The following COL13A1 variants were observed in gnomAD, a reference collection of about 807,000 sequenced individuals.
COL13A1 encodes the protein collagen alpha-1(XIII) chain.
Under a neutral mutation model 130.9 loss-of-function variants are expected in COL13A1, and 89 were observed. That is an observed-to-expected ratio of 0.68 (90% CI 0.57 to 0.81). The LOEUF (loss-of-function observed/expected upper bound fraction) is 0.81. Among genes scored for constraint, COL13A1 ranks in the 30% least tolerant of loss-of-function variants. The pLI, the probability that COL13A1 is intolerant of heterozygous loss-of-function variation, is 0.00. For missense variants in COL13A1, 879 were observed against 934.6 expected, an observed-to-expected ratio of 0.94 and a Z score of 0.78; for synonymous variants, 402 against 341.6, an observed-to-expected ratio of 1.18 and a Z score of -1.95.
intron 1 of COL13A1, among the ~76,000 whole-genome samples, chr10:69,805,156 G>A (rs368218588): frequency 6.6e-6 from 1 of 152,192 alleles, no homozygotes. Flanking sequence ...GTCAAGAGGG[G>A]CCTTAGAGAA....
intron 11 of COL13A1, 23 bp from the exon 12 acceptor site, chr10:69,894,652 C>T: frequency 6.2e-7 from 1 of 1,614,022 alleles, no homozygotes; most frequent in South Asian, 1.1e-5. Context: ...GTTTCTAACT[C>T]TCTCATCTCC....
intron 31 of COL13A1, 143 bp from the exon 32 acceptor site, chr10:69,935,207 G>T (rs2066670474): frequency 1.5e-6 from 1 of 661,058 alleles, no homozygotes; most frequent in Admixed American, 2.9e-5. Context: ...CCTTTTTTGG[G>T]GGATACTGTG....
chr10:69,803,157 C>T (rs1486086671), intron 1 of COL13A1, among the ~76,000 whole-genome samples: 1 of 152,198 alleles, frequency 6.6e-6, no homozygotes, highest in Non-Finnish European at 1.5e-5. Context: ...CCCCTCCACC[C>T]CTTAAGGACC....
At chr10:69,934,271 C>T (rs572883629) in intron 31 of COL13A1, among the ~76,000 whole-genome samples, 3 of 152,186 alleles carry the variant, frequency 2.0e-5, no homozygotes, top group South Asian at 2.1e-4. Flanking sequence ...ATAACCAATA[C>T]CATGATTAGG....
At chr10:69,901,830 A>C (rs2062212123) in intron 14 of COL13A1, among the ~76,000 whole-genome samples, 1 of 152,214 alleles carries the variant, frequency 6.6e-6, no homozygotes, top group Non-Finnish European at 1.5e-5. Flanking sequence ...CTGGGCTCAC[A>C]GTCCATCCCG....
chr10:69,943,479 C>T (rs941041922), intron 35 of COL13A1, among the ~76,000 whole-genome samples: 4 of 152,240 alleles, frequency 2.6e-5, no homozygotes, highest in Non-Finnish European at 4.4e-5. Context: ...ATGGCTCCAG[C>T]GCCCCCAGCC....
intron 17 of COL13A1, among the ~76,000 whole-genome samples, chr10:69,906,507 C>T (rs2062766801): frequency 1.3e-5 from 2 of 152,104 alleles, no homozygotes; most frequent in South Asian, 2.1e-4. Context: ...GACAGACTTC[C>T]TTACAGCACA....
chr10:69,880,898 C>T (rs1429679556), intron 7 of COL13A1, among the ~76,000 whole-genome samples: 2 of 152,236 alleles, frequency 1.3e-5, no homozygotes, highest in Non-Finnish European at 2.9e-5. Context: ...TCCCGGGAAC[C>T]AGCCTTTGTT....
chr10:69,819,785 G>A (rs564778489), intron 1 of COL13A1, among the ~76,000 whole-genome samples: 1 of 152,152 alleles, frequency 6.6e-6, no homozygotes. Context: ...AGAACCAGTG[G>A]CAGGGATCCA....
intron 38 of COL13A1, 46 bp downstream of exon 38, chr10:69,947,388 A>C: frequency 4.5e-6 from 7 of 1,549,622 alleles, no homozygotes; most frequent in Non-Finnish European, 6.2e-6. Flanking sequence ...TAATGTCTTC[A>C]TGATGGGGTG....
chr10:69,933,967 A>C (rs2066494627), intron 31 of COL13A1, among the ~76,000 whole-genome samples: 1 of 152,202 alleles, frequency 6.6e-6, no homozygotes, highest in Admixed American at 6.5e-5. Context: ...TGGAAACATC[A>C]GTTTCACAGT....
intron 32 of COL13A1, among the ~76,000 whole-genome samples, chr10:69,935,670 C>A (rs1180115210): frequency 6.6e-6 from 1 of 152,188 alleles, no homozygotes; most frequent in Non-Finnish European, 1.5e-5. Context: ...TTTACCTCAC[C>A]CTTTGCCATC....
In COL13A1 at chr10:69,842,642, T is replaced by A. The variant is rs149829643; in HGVS notation, c.364+20204T>A. ...AGCTTTCCTGGGCATTTGGTACAAC[T>A]GTGCTCCATGAGGCTGTAGTGTACA... On this transcript the variant is annotated intron_variant, in intron 2 of 40. Coordinates refer to ENST00000645393, the MANE Select transcript of COL13A1 (RefSeq NM_001368882.1). Among the ~76,000 whole-genome samples the A allele has an allele frequency of 2.3e-3, 353 of 152,310 alleles. 3 individuals carry two copies. The highest frequency in any genetic ancestry group is 8.1e-3 in the African/African-American group (338 of 41,568).
rs569068183 is a variant in COL13A1, at chr10:69,814,420, T to A, written c.295-7949T>A. On this transcript the variant is annotated intron_variant, in intron 1 of 40. Coordinates refer to ENST00000645393, the MANE Select transcript of COL13A1 (RefSeq NM_001368882.1). ...GGCAGCAGGGGTCAGGCCAGCCTTATTACAGCAGGTGGGAGGAGGCAGGCC... is the reference window on the plus strand; with the variant it reads ...GGCAGCAGGGGTCAGGCCAGCCTTAATACAGCAGGTGGGAGGAGGCAGGCC... 7.2e-5 allele frequency among the ~76,000 whole-genome samples: 11 copies of A among 152,294 alleles called. 1 individual carries two copies. Among genetic ancestry groups the A allele is most frequent in the Admixed American group, 7.2e-4 (11 of 15,300 alleles).
chr10:69,937,700 TC>T lies in COL13A1; in HGVS notation c.1867del (p.Leu623TrpfsTer42). 5 of 1,554,232 alleles carry T rather than the reference TC, an allele frequency of 3.2e-6. No homozygotes were observed. Among genetic ancestry groups the T allele is most frequent in the South Asian group, 1.1e-5 (1 of 89,834 alleles). ...GFQGEKGDRG[P>X]LGLPGASGLD... ...TCCAGGGAGAAAAAGGAGACCGTGG[TC>T]CCCTGGGACTACCCGTAAGTACCTT... On this transcript the variant is annotated frameshift_variant, in exon 34 of 41. Coordinates refer to ENST00000645393, the MANE Select transcript of COL13A1 (RefSeq NM_001368882.1). LOFTEE classifies it high-confidence loss of function.
chr10:69,818,510 G>A (rs2132497311), intron 1 of COL13A1, among the ~76,000 whole-genome samples: 1 of 152,348 alleles, frequency 6.6e-6, no homozygotes, highest in Non-Finnish European at 1.5e-5. Context: ...TGCACAGAAA[G>A]CGAGTTATCA....
chr10:69,808,804 G>A (rs1314918167), intron 1 of COL13A1, among the ~76,000 whole-genome samples: 2 of 152,218 alleles, frequency 1.3e-5, no homozygotes, highest in Non-Finnish European at 2.9e-5. Context: ...TTAGAGGCTG[G>A]GGAAGGTTTA....
At chr10:69,926,087 C>A (rs1023889706) in intron 26 of COL13A1, 15 of 547,212 alleles carry the variant, frequency 2.7e-5, no homozygotes, top group African/African-American at 1.9e-4. Context: ...TCCAGGTGGC[C>A]GGGGCTCTCT....
At chr10:69,904,850 G>A in intron 15 of COL13A1, 83 bp from the exon 16 acceptor site, 1 of 1,448,144 alleles carries the variant, frequency 6.9e-7, no homozygotes, top group Admixed American at 2.1e-5. Context: ...TCTGCCCCTA[G>A]GGTCTACTGT....
Sources: gnomAD v4.1 joint callset for allele counts (sites outside exome capture counted in the v4.1 genomes callset) on GRCh38, gnomAD v4.1.1 for gene constraint, MANE v1.5 for transcripts, NCBI Gene and HGNC (gene_info 2026-07-23, HGNC 2026-07-21) for gene names.